The following SYN3 variants were observed in gnomAD, a reference collection of about 807,000 sequenced individuals.
SYN3 encodes synapsin-3.
Under a neutral mutation model 65.8 loss-of-function variants are expected in SYN3, and 35 were observed. The ratio of observed to expected loss-of-function variants is 0.53; its 90% CI spans 0.41 to 0.70. The LOEUF (loss-of-function observed/expected upper bound fraction) is 0.70, where lower values mean the gene tolerates loss of function less well. Ranked by LOEUF, SYN3 falls within the 30% of genes least tolerant of loss-of-function variation. The probability of loss-of-function intolerance (pLI) is 0.00; values close to 1 mark genes in which losing one functional copy is unlikely to be tolerated. For synonymous variants in SYN3, 270 were observed against 292.9 expected (o/e 0.92, Z 0.80); for missense variants, 680 against 749.0 (o/e 0.91, Z 1.08).
chr22:32,770,034 C>T (rs1425230939), intron 6 of SYN3, among the ~76,000 whole-genome samples: 2 of 152,172 alleles, frequency 1.3e-5, no homozygotes, highest in Non-Finnish European at 2.9e-5. Flanking sequence ...TGACTTCTAG[C>T]CCCCCTGACT....
chr22:32,770,305 T>C (rs2045734107), intron 6 of SYN3, among the ~76,000 whole-genome samples: 1 of 152,200 alleles, frequency 6.6e-6, no homozygotes, highest in African/African-American at 2.4e-5. Context: ...AGCAGAGTGG[T>C]GATGCCTTCA....
chr22:32,529,034 G>A, intron 10 of SYN3, 26 bp from the exon 11 acceptor site: 1 of 1,613,230 alleles, frequency 6.2e-7, no homozygotes, highest in Non-Finnish European at 8.5e-7. Context: ...GAGAGCTGAG[G>A]GACCCCCATG....
intron 6 of SYN3, among the ~76,000 whole-genome samples, chr22:32,779,611 G>A (rs186441376): frequency 9.2e-5 from 14 of 152,234 alleles, no homozygotes; most frequent in Admixed American, 4.6e-4. Flanking sequence ...CACTTTACAA[G>A]AGAGGAAACC....
rs370722201 is a variant in SYN3, at chr22:32,675,727, G to C, written c.712-78991C>G. Among the ~76,000 whole-genome samples, 621 of 151,576 alleles carry C rather than the reference G, an allele frequency of 4.1e-3. 3 individuals are homozygous for C. The highest frequency in any genetic ancestry group is 0.014 in the African/African-American group (576 of 41,548). Reference sequence around the variant, plus strand: ...AAGCCAGCTAAGCTGCATGAAGGCTGACAGATTCAGTTGCCTGCTTTTGTT... The same window carrying C: ...AAGCCAGCTAAGCTGCATGAAGGCTCACAGATTCAGTTGCCTGCTTTTGTT... On this transcript the variant is annotated intron_variant, in intron 6 of 13. Transcript: ENST00000358763.
At chr22:32,820,457 G>T (rs1192966105) in intron 6 of SYN3, among the ~76,000 whole-genome samples, 2 of 152,018 alleles carry the variant, frequency 1.3e-5, no homozygotes, top group Non-Finnish European at 2.9e-5. Flanking sequence ...TCACCTAGGG[G>T]CCTGGAAAAC....
chr22:32,729,668 T>C (rs1040454950), intron 6 of SYN3, among the ~76,000 whole-genome samples: 2 of 152,234 alleles, frequency 1.3e-5, no homozygotes, highest in African/African-American at 2.4e-5. Flanking sequence ...ACTTGCAATC[T>C]AATCTATTTT....
chr22:32,875,777 T>A (rs2048967686), intron 4 of SYN3, among the ~76,000 whole-genome samples: 1 of 152,106 alleles, frequency 6.6e-6, no homozygotes, highest in African/African-American at 2.4e-5. Context: ...CAAGGAAGGA[T>A]CCTCCCCTGG....
At chr22:32,887,891 G>A (rs1001210554) in intron 4 of SYN3, among the ~76,000 whole-genome samples, 1 of 152,118 alleles carries the variant, frequency 6.6e-6, no homozygotes, top group Non-Finnish European at 1.5e-5. Context: ...GGCTCATACG[G>A]TGCCTATATA....
intron 3 of SYN3, among the ~76,000 whole-genome samples, chr22:32,958,645 C>A (rs540894868): frequency 4.6e-5 from 7 of 152,154 alleles, no homozygotes; most frequent in Non-Finnish European, 1.0e-4. Context: ...AGTCTAAGGG[C>A]TTTGCATGTA....
intron 6 of SYN3, among the ~76,000 whole-genome samples, chr22:32,764,252 T>C (rs1365638988): frequency 2.0e-5 from 3 of 152,144 alleles, no homozygotes; most frequent in Admixed American, 6.5e-5. Context: ...GAAGACCCCA[T>C]TTTTAATCAG....
intron 6 of SYN3, among the ~76,000 whole-genome samples, chr22:32,841,904 C>T (rs1318880047): frequency 3.9e-5 from 6 of 152,154 alleles, no homozygotes; most frequent in African/African-American, 9.6e-5. Flanking sequence ...GTGGCAAAAG[C>T]GTGGGAGCTG....
intron 6 of SYN3, among the ~76,000 whole-genome samples, chr22:32,856,202 C>T (rs2048359462): frequency 6.6e-6 from 1 of 152,090 alleles, no homozygotes. Context: ...GACTCAGGTC[C>T]TAAGGTTGAC....
chr22:32,804,679 C>T (rs2046677997), intron 6 of SYN3, among the ~76,000 whole-genome samples: 1 of 152,192 alleles, frequency 6.6e-6, no homozygotes, highest in East Asian at 1.9e-4. Context: ...GTCCTAGGGC[C>T]TGGCATGGCA....
intron 9 of SYN3, among the ~76,000 whole-genome samples, chr22:32,537,452 C>T (rs968770776): frequency 2.0e-5 from 3 of 152,180 alleles, no homozygotes; most frequent in Non-Finnish European, 4.4e-5. Flanking sequence ...AGCCACCGCA[C>T]CCGGCCGGCA....
At chr22:32,652,257 G>A (rs1258997812) in intron 6 of SYN3, among the ~76,000 whole-genome samples, 2 of 152,020 alleles carry the variant, frequency 1.3e-5, no homozygotes, top group Non-Finnish European at 2.9e-5. Context: ...ATTTCACCAT[G>A]GCCCAGGAAC....
intron 6 of SYN3, among the ~76,000 whole-genome samples, chr22:32,661,160 A>G (rs1601862703): frequency 1.3e-5 from 2 of 152,178 alleles, no homozygotes; most frequent in Non-Finnish European, 2.9e-5. Flanking sequence ...AGAGGGAGAG[A>G]GAGGGGCATG....
At chr22:32,893,273 T>C (rs768178838) in intron 4 of SYN3, among the ~76,000 whole-genome samples, 134 of 152,324 alleles carry the variant, frequency 8.8e-4, no homozygotes, top group Middle Eastern at 3.4e-3. Flanking sequence ...TTGGGATTAA[T>C]TGGATACCTG....
intron 6 of SYN3, among the ~76,000 whole-genome samples, chr22:32,668,449 G>A (rs1439427082): frequency 6.8e-6 from 1 of 146,384 alleles, no homozygotes; most frequent in Admixed American, 7.0e-5. Flanking sequence ...CAGTGAAAAT[G>A]ACAATCAGTT....
At chr22:32,545,220 G>T (rs2058319344) in intron 7 of SYN3, among the ~76,000 whole-genome samples, 1 of 152,216 alleles carries the variant, frequency 6.6e-6, no homozygotes, top group Non-Finnish European at 1.5e-5. Context: ...CCATGGTCAT[G>T]AAACCATGGT....
Sources: allele counts gnomAD v4.1 joint callset (sites outside exome capture counted in the v4.1 genomes callset), GRCh38; gene constraint gnomAD v4.1.1; transcripts MANE v1.5; gene names NCBI Gene and HGNC (gene_info 2026-07-23, HGNC 2026-07-21).